Variants in STK38L observed in about 807,000 individuals in gnomAD.
STK38L encodes serine/threonine-protein kinase 38-like.
A neutral mutation model predicts 59.7 loss-of-function variants in STK38L; 28 were observed. That is an observed-to-expected ratio of 0.47 (90% CI 0.35 to 0.64). The LOEUF (loss-of-function observed/expected upper bound fraction) is 0.64. Ranked by LOEUF, STK38L falls within the 30% of genes least tolerant of loss-of-function variation. The pLI is 0.01. For missense variants in STK38L, 314 were observed against 555.8 expected (o/e 0.56, Z 4.37); for synonymous variants, 162 against 176.8 (o/e 0.92, Z 0.66).
intron 1 of STK38L, among the ~76,000 whole-genome samples, chr12:27,274,322 G>A (rs761446732): frequency 1.1e-4 from 17 of 152,068 alleles, no homozygotes; most frequent in African/African-American, 3.1e-4. Context: ...TGGAGTCTAC[G>A]TGTCAGGAGT....
chr12:27,324,756 T>G lies in STK38L; in HGVS notation c.*2301T>G, dbSNP rs1467521652. On this transcript the variant is annotated 3_prime_UTR_variant, in exon 14 of 14. Coordinates refer to ENST00000389032, the MANE Select transcript of STK38L (RefSeq NM_015000.4). The stretch of plus-strand genomic sequence containing the variant: ...TCTTAAGTGCCTATCTAAAAGCAAT[T>G]AAAGACTGTGTCTGCCCTTTAGAAG... The G allele has an allele frequency of 6.6e-6, 1 of 152,060 alleles. No homozygotes were observed. Among genetic ancestry groups the G allele is most frequent in the Non-Finnish European group, 1.5e-5 (1 of 67,936 alleles). 9.4% of individuals were successfully genotyped at this position (152,060 alleles called of 1,614,324 possible). A position where few individuals can be genotyped will look rare whatever the true frequency, so the allele number is the denominator to read the frequency against.
chr12:27,309,202 G>C lies in STK38L; in HGVS notation c.393+5G>C, dbSNP rs777433118. Reference sequence around the variant, plus strand: ...GATATGCTTGAAAAAGAGCAGGTATGAGTTCTTTAACACATGTAATATAAA... The same window carrying C: ...GATATGCTTGAAAAAGAGCAGGTATCAGTTCTTTAACACATGTAATATAAA... On this transcript the variant is annotated splice_donor_5th_base_variant and intron_variant, in intron 5 of 13. Coordinates refer to ENST00000389032, the MANE Select transcript of STK38L (RefSeq NM_015000.4). 76 of 1,589,266 alleles carry C rather than the reference G, an allele frequency of 4.8e-5. No individual in the cohort carries two copies. The highest frequency in any genetic ancestry group is 6.1e-5 in the Non-Finnish European group (71 of 1,165,972).
intron 1 of STK38L, among the ~76,000 whole-genome samples, chr12:27,248,859 T>G (rs1942913439): frequency 6.6e-6 from 1 of 152,242 alleles, no homozygotes; most frequent in Admixed American, 6.5e-5. Context: ...TTAAAAAGTT[T>G]TTTTTTGAAA....
At chr12:27,278,769 T>C (rs976435208) in intron 1 of STK38L, among the ~76,000 whole-genome samples, 1 of 152,182 alleles carries the variant, frequency 6.6e-6, no homozygotes. Flanking sequence ...TGGATACTTG[T>C]CCCCTAGCTG....
intron 1 of STK38L, among the ~76,000 whole-genome samples, chr12:27,277,239 C>A (rs980609037): frequency 6.6e-6 from 1 of 151,986 alleles, no homozygotes. Flanking sequence ...AGTAATTACT[C>A]GTACTTTTAA....
rs1261868504 is a variant in STK38L at position 27,324,624 on chromosome 12, C to A, written c.*2169C>A. On this transcript the variant is annotated 3_prime_UTR_variant, in exon 14 of 14. Transcript: ENST00000389032. Reference sequence around the variant, plus strand: ...CTTGCAAATAGTTTTACTTTCTTGGCACTGGAAGGGTAGTTCTGGAAAGCT... The same window carrying A: ...CTTGCAAATAGTTTTACTTTCTTGGAACTGGAAGGGTAGTTCTGGAAAGCT... The A allele has an allele frequency of 6.6e-6, 1 of 152,040 alleles. No homozygotes were observed. Among genetic ancestry groups the A allele is most frequent in the Non-Finnish European group, 1.5e-5 (1 of 67,934 alleles). The allele number at this position is 152,040 out of a possible 1,614,324, so 9.4% of individuals were successfully genotyped here. A position where few individuals can be genotyped will look rare whatever the true frequency, so the allele number is the denominator to read the frequency against.
At chr12:27,269,451 G>C (rs1490950449) in intron 1 of STK38L, among the ~76,000 whole-genome samples, 2 of 152,130 alleles carry the variant, frequency 1.3e-5, no homozygotes, top group Non-Finnish European at 2.9e-5. Context: ...CATTATTTCT[G>C]AGGGCTCTGT....
intron 12 of STK38L, among the ~76,000 whole-genome samples, chr12:27,321,421 T>G (rs1361482728): frequency 1.3e-5 from 2 of 152,256 alleles, no homozygotes; most frequent in Non-Finnish European, 2.9e-5. Flanking sequence ...ATCACAAATA[T>G]ATAGTCCCTT....
chr12:27,307,137 TA>T (rs893339237), intron 3 of STK38L, among the ~76,000 whole-genome samples: 1 of 152,162 alleles, frequency 6.6e-6, no homozygotes, highest in East Asian at 1.9e-4. Flanking sequence ...AAAAGACATT[TA>T]AAAAAAGACA....
intron 7 of STK38L, among the ~76,000 whole-genome samples, 173 bp downstream of exon 7, chr12:27,314,831 CTTT>C (rs914708782): frequency 6.6e-6 from 1 of 152,178 alleles, no homozygotes; most frequent in Admixed American, 6.5e-5. Context: ...ATATGGCTCT[CTTT>C]TTATCTCCCT....
chr12:27,303,363 A>C (rs970691784), intron 3 of STK38L, among the ~76,000 whole-genome samples: 14 of 152,186 alleles, frequency 9.2e-5, no homozygotes, highest in African/African-American at 3.4e-4. Context: ...TGGGCAAAGC[A>C]GCAGCTTTAG....
Position 27,273,665 on chromosome 12 carries a change from C to T in STK38L, c.-11-24045C>T, listed in dbSNP as rs144625773. On this transcript the variant is annotated intron_variant, in intron 1 of 13. Coordinates refer to ENST00000389032, the MANE Select transcript of STK38L (RefSeq NM_015000.4). Reference sequence around the variant, plus strand: ...GGTATGGAATAGAATGATCAGATTTCTAGGTTTTGACGTTTGGTACTATAG... The same window carrying T: ...GGTATGGAATAGAATGATCAGATTTTTAGGTTTTGACGTTTGGTACTATAG... Among the ~76,000 whole-genome samples, 9 of 152,198 alleles carry T rather than the reference C, an allele frequency of 5.9e-5. No individual in the cohort carries two copies. The East Asian group carries it at 1.7e-3, about 29-fold the overall frequency.
At chr12:27,264,279 GTAATGT>G (rs1420118358) in intron 1 of STK38L, among the ~76,000 whole-genome samples, 1 of 152,178 alleles carries the variant, frequency 6.6e-6, no homozygotes, top group East Asian at 1.9e-4. Context: ...ATGCTGGTAA[GTAATGT>G]TACCAACAGT....
Position 27,308,610 on chromosome 12 carries a change from A to G in STK38L, c.309+149A>G. 1.2e-6 allele frequency: 1 copy of G among 801,640 alleles called. No homozygotes were observed. Among genetic ancestry groups the G allele is most frequent in the East Asian group, 6.0e-5 (1 of 16,540 alleles). 49.7% of individuals were successfully genotyped at this position (801,640 alleles called of 1,614,324 possible). A position where few individuals can be genotyped will look rare whatever the true frequency, so the allele number is the denominator to read the frequency against. ...GAGGCCGAGGCGGGTGGATCGCCTG[A>G]GGTCAGGAGTTCGAGACCAGCCTGG... On this transcript the variant is annotated intron_variant, in intron 4 of 13. Transcript: ENST00000389032. This position sits in a 1 kb window ranked among gnomAD's most constrained non-coding sequence, Gnocchi z 4.5.
chr12:27,294,422 G>T (rs1445922191), intron 1 of STK38L, among the ~76,000 whole-genome samples: 3 of 150,364 alleles, frequency 2.0e-5, no homozygotes, highest in African/African-American at 7.3e-5. Context: ...TGGGAGAATT[G>T]CTTGAACCCA....
At chr12:27,289,110 A>AT (rs941040573) in intron 1 of STK38L, among the ~76,000 whole-genome samples, 22 of 152,220 alleles carry the variant, frequency 1.4e-4, no homozygotes, top group Middle Eastern at 3.4e-3. Context: ...TCAGCTGAAC[A>AT]TTTTTTTGCA....
intron 1 of STK38L, among the ~76,000 whole-genome samples, chr12:27,262,709 TAA>T (rs11350734): frequency 0.018 from 2,378 of 132,972 alleles, 31 homozygotes; most frequent in Middle Eastern, 0.034. Flanking sequence ...TATCTCTAAT[TAA>T]AAAAAAAAAA....
intron 1 of STK38L, among the ~76,000 whole-genome samples, chr12:27,277,419 C>CAT (rs1375328902): frequency 2.3e-5 from 3 of 129,870 alleles, no homozygotes; most frequent in Non-Finnish European, 5.1e-5. Context: ...CACACACACA[C>CAT]ACAGCAGTAG....
chr12:27,280,950 A>T (rs1325920776), intron 1 of STK38L, among the ~76,000 whole-genome samples: 1 of 152,192 alleles, frequency 6.6e-6, no homozygotes, highest in African/African-American at 2.4e-5. Context: ...TAAAACAAGG[A>T]ATTATAAAAC....
Sources: gnomAD v4.1 joint callset for allele counts (sites outside exome capture counted in the v4.1 genomes callset) on GRCh38, gnomAD v4.1.1 for gene constraint, Gnocchi (gnomAD v3.1) non-coding constraint, MANE v1.5 for transcripts, NCBI Gene and HGNC (gene_info 2026-07-23, HGNC 2026-07-21) for gene names.